The following SYK variants were observed in gnomAD, a reference collection of about 807,000 sequenced individuals.
The protein encoded by SYK is tyrosine-protein kinase SYK.
SYK carries 16 observed loss-of-function variants against 77.8 expected under a neutral mutation model. The observed-to-expected ratio is 0.21, with a 90% confidence interval of 0.14 to 0.31. The LOEUF is 0.31. SYK is among the 10% of genes least tolerant of loss of function. The probability of loss-of-function intolerance (pLI) is 1.00; values close to 1 mark genes in which losing one functional copy is unlikely to be tolerated. For missense variants in SYK, 529 were observed against 814.4 expected, an observed-to-expected ratio of 0.65 and a Z score of 4.26; for synonymous variants, 312 against 308.7, an observed-to-expected ratio of 1.01 and a Z score of -0.11.
intron 11 of SYK, among the ~76,000 whole-genome samples, chr9:90,879,211 A>G (rs922963185): frequency 6.6e-6 from 1 of 152,228 alleles, no homozygotes; most frequent in Non-Finnish European, 1.5e-5. Context: ...TATTAAGTGA[A>G]GATTTGTTTT....
At chr9:90,861,129 T>C (rs1275391353) in intron 3 of SYK, among the ~76,000 whole-genome samples, 1 of 152,068 alleles carries the variant, frequency 6.6e-6, no homozygotes, top group Non-Finnish European at 1.5e-5. Context: ...AACTGGGGGA[T>C]TCGCACCCAT....
intron 1 of SYK, among the ~76,000 whole-genome samples, chr9:90,820,085 T>C (rs1011006576): frequency 2.6e-5 from 4 of 152,180 alleles, no homozygotes; most frequent in Non-Finnish European, 4.4e-5. Flanking sequence ...CCAGGTCCCA[T>C]TGATGCAAGA....
chr9:90,868,194 A>G (rs990312792), intron 7 of SYK, among the ~76,000 whole-genome samples: 3 of 152,220 alleles, frequency 2.0e-5, no homozygotes, highest in Non-Finnish European at 4.4e-5. Flanking sequence ...AGTGTTCGAG[A>G]GGAAGAAAAG....
chr9:90,805,235 A>T (rs1824776328), intron 1 of SYK, among the ~76,000 whole-genome samples: 1 of 152,194 alleles, frequency 6.6e-6, no homozygotes, highest in Non-Finnish European at 1.5e-5. Context: ...TGGATTACTG[A>T]GGAGTACTGT....
chr9:90,887,902 T>A lies in SYK; in HGVS notation c.1722+13T>A. 1.3e-6 allele frequency: 2 copies of A among 1,568,032 alleles called. No homozygotes were observed. The highest frequency in any genetic ancestry group is 1.7e-6 in the Non-Finnish European group (2 of 1,153,114). On this transcript the variant is annotated intron_variant, in intron 12 of 13. Transcript: ENST00000375754. ...GAAGCCATATCGAGTGAGCCAGTCC[T>A]GCTTCATTTTCTCACTGTGGGGCCA...
Position 90,896,603 on chromosome 9 carries a change from C to T in SYK, c.*1003C>T. ...GTATTAATTCAGAACAAGCCAAAGA[C>T]CCTGAGCCTCACCACAAACAGGCCT... On this transcript the variant is annotated 3_prime_UTR_variant, in exon 14 of 14. Transcript: ENST00000375754. 1 of 232,648 alleles carries T rather than the reference C, an allele frequency of 4.3e-6. No homozygotes were observed. The highest frequency in any genetic ancestry group is 8.5e-6 in the Non-Finnish European group (1 of 117,638). The allele number at this position is 232,648 out of a possible 1,614,324, so 14.4% of individuals were successfully genotyped here.
rs560148782 is a variant in SYK, at chr9:90,828,682, C to T, written c.-41-15176C>T. Among the ~76,000 whole-genome samples, 4 of 152,274 alleles carry T rather than the reference C, an allele frequency of 2.6e-5. No individual in the cohort carries two copies. In the East Asian group the frequency reaches 7.7e-4, roughly 29 times the overall value. On this transcript the variant is annotated intron_variant, in intron 1 of 13. Coordinates refer to ENST00000375754, the MANE Select transcript of SYK (RefSeq NM_003177.7). ...AAAAGCTAGCTCTCTTTTTAATTAC[C>T]AATTGTGTGTGCGTTGCGTGTGCGT...
At chr9:90,867,499 A>G (rs534863707) in intron 7 of SYK, among the ~76,000 whole-genome samples, 1 of 152,334 alleles carries the variant, frequency 6.6e-6, no homozygotes, top group East Asian at 1.9e-4. Context: ...ATAGCTAATT[A>G]TCATGTCCGA....
At chr9:90,804,348 A>G (rs549959372) in intron 1 of SYK, among the ~76,000 whole-genome samples, 1 of 152,330 alleles carries the variant, frequency 6.6e-6, no homozygotes, top group African/African-American at 2.4e-5. Flanking sequence ...TACTTACAGG[A>G]GGGGTTACTG....
intron 9 of SYK, among the ~76,000 whole-genome samples, chr9:90,875,066 T>C (rs1216246791): frequency 6.6e-6 from 1 of 151,898 alleles, no homozygotes; most frequent in Non-Finnish European, 1.5e-5. Flanking sequence ...ATGCACCTTA[T>C]GGAAAATTAG....
At position 90,874,768 on chromosome 9, in the gene SYK, G is replaced by A. The variant is rs199772052; in HGVS notation, c.1100G>A (p.Arg367Gln). 7 of 1,614,024 alleles carry A rather than the reference G, an allele frequency of 4.3e-6. No individual in the cohort carries two copies. Among genetic ancestry groups the A allele is most frequent in the South Asian group, 2.2e-5 (2 of 91,068 alleles). The change falls in exon 9 of 14, where the codon CGA (arginine) becomes CAA (glutamine). Residue 367 changes from arginine (R) to glutamine (Q), a missense_variant. Physicochemically the swap from Arg to Gln is conservative, Grantham distance 43. This residue lies in a region of SYK where 208 missense variants were observed against 381.3 expected (regional missense o/e 0.55). Transcript: ENST00000375754. ...AGGCCCAAGGAGGTTTACCTGGACC[G>A]AAAGCTGCTGACGCTGGAAGACAAA... is the stretch of plus-strand genomic sequence containing the variant. ...EIRPKEVYLD[R>Q]KLLTLEDKEL...
chr9:90,887,713 T>C, intron 11 of SYK, 36 bp from the exon 12 acceptor site: 1 of 1,575,862 alleles, frequency 6.3e-7, no homozygotes, highest in Non-Finnish European at 8.6e-7. Context: ...CACAATTTTA[T>C]TCTTAATGGA....
intron 3 of SYK, among the ~76,000 whole-genome samples, chr9:90,846,612 G>A (rs1564091053): frequency 2.0e-5 from 3 of 151,114 alleles, no homozygotes; most frequent in Non-Finnish European, 4.4e-5. Flanking sequence ...TATCGTTTGA[G>A]GCTAGTTTGA....
At chr9:90,878,697 A>G in intron 10 of SYK, 67 bp from the exon 11 acceptor site, 6 of 1,374,952 alleles carry the variant, frequency 4.4e-6, no homozygotes, top group Non-Finnish European at 6.1e-6. Context: ...CTGCGTGAGG[A>G]GCATGGTTGT....
rs112842841 is a variant in SYK at position 90,872,157 on chromosome 9, G to A, written c.916-2047G>A. ...CAGGATTCATATGTCAGGGAATTGC[G>A]TTCTGGTTTAATTGGAACAAGCCAT... is the stretch of plus-strand genomic sequence containing the variant. On this transcript the variant is annotated intron_variant, in intron 7 of 13. Coordinates refer to ENST00000375754, the MANE Select transcript of SYK (RefSeq NM_003177.7). Among the ~76,000 whole-genome samples the A allele has an allele frequency of 4.5e-4, 69 of 152,290 alleles. 2 individuals are homozygous for A. The highest frequency in any genetic ancestry group is 3.4e-3 in the Middle Eastern group (1 of 294).
chr9:90,878,760 T>C lies in SYK; in HGVS notation c.1392-4T>C, dbSNP rs200479898. 6.2e-7 allele frequency: 1 copy of C among 1,601,336 alleles called. No homozygotes were observed. Among genetic ancestry groups the C allele is most frequent in the Non-Finnish European group, 8.6e-7 (1 of 1,169,394 alleles). On this transcript the variant is annotated splice_region_variant and splice_polypyrimidine_tract_variant and intron_variant, in intron 10 of 13. Transcript: ENST00000375754. ...ATAGCTGATGAGATCATTATGACTT[T>C]CAGACATGTCAAGGATAAGAACATC... is the stretch of plus-strand genomic sequence containing the variant.
At chr9:90,853,788 G>T (rs1010617621) in intron 3 of SYK, among the ~76,000 whole-genome samples, 11 of 152,044 alleles carry the variant, frequency 7.2e-5, no homozygotes, top group African/African-American at 2.7e-4. Flanking sequence ...AAGTTAATGG[G>T]TGCAGCACAC....
At chr9:90,862,379 G>A (rs754152639) in intron 4 of SYK, 35 bp downstream of exon 4, 3 of 1,603,538 alleles carry the variant, frequency 1.9e-6, no homozygotes, top group East Asian at 2.2e-5. Flanking sequence ...TGTGGGTAGA[G>A]TACAGGGCAC....
intron 1 of SYK, among the ~76,000 whole-genome samples, chr9:90,842,249 T>G (rs1226376975): frequency 6.7e-6 from 1 of 149,530 alleles, no homozygotes; most frequent in East Asian, 2.0e-4. Flanking sequence ...ATGGTGTGTG[T>G]GTAGTGCAGC....
Sources: allele counts gnomAD v4.1 joint callset (sites outside exome capture counted in the v4.1 genomes callset), GRCh38; gene constraint gnomAD v4.1.1; regional missense constraint gnomAD v4.1.1; transcripts MANE v1.5; gene names NCBI Gene and HGNC (gene_info 2026-07-23, HGNC 2026-07-21).